Variants in PPP4C observed in about 807,000 individuals in gnomAD.
PPP4C encodes serine/threonine-protein phosphatase 4 catalytic subunit.
Under a neutral mutation model 40.5 loss-of-function variants are expected in PPP4C, and 10 were observed. That is an observed-to-expected ratio of 0.25 (90% CI 0.15 to 0.42). The LOEUF is 0.42. PPP4C is among the 10% of genes least tolerant of loss of function. PPP4C has a pLI of 1.00. For missense variants in PPP4C, 191 were observed against 416.4 expected (o/e 0.46, Z 4.71); for synonymous variants, 187 against 163.6 (o/e 1.14, Z -1.09).
intron 7 of PPP4C, 117 bp from the exon 8 acceptor site, chr16:30,084,549 G>A: frequency 1.1e-6 from 1 of 897,932 alleles, no homozygotes; most frequent in South Asian, 1.5e-5. Context: ...CCATGCTCTG[G>A]TCCCACGGGC....
intron 2 of PPP4C, among the ~76,000 whole-genome samples, chr16:30,079,210 C>T (rs1248416497): frequency 2.1e-5 from 3 of 145,288 alleles, no homozygotes; most frequent in African/African-American, 7.7e-5. Flanking sequence ...TTTTTTGAGA[C>T]AGAGTTTTGC....
chr16:30,084,580 G>A (rs2072582304), intron 7 of PPP4C, 86 bp from the exon 8 acceptor site: 7 of 1,293,868 alleles, frequency 5.4e-6, no homozygotes, highest in East Asian at 2.3e-5. Context: ...CTTGGGGAGG[G>A]GCCAGGCTGC....
chr16:30,083,776 CAGA>C lies in PPP4C; in HGVS notation c.602_604del (p.Glu201del). ...ATGTGTGACCTCCTCTGGTCTGACC[CAGA>C]AGGTGAGGGCATGTGGGCAGGGGCA... On this transcript the variant is annotated inframe_deletion and splice_region_variant, in exon 7 of 9. Coordinates refer to ENST00000279387, the MANE Select transcript of PPP4C (RefSeq NM_002720.3). This position sits in a 1 kb window ranked among gnomAD's most constrained non-coding sequence, Gnocchi z 6.3. The C allele has an allele frequency of 6.2e-7, 1 of 1,614,040 alleles. No homozygotes were observed. The highest frequency in any genetic ancestry group is 8.5e-7 in the Non-Finnish European group (1 of 1,180,016).
chr16:30,080,302 G>A (rs898118059), intron 2 of PPP4C, among the ~76,000 whole-genome samples: 2 of 137,758 alleles, frequency 1.5e-5, no homozygotes, highest in South Asian at 2.3e-4. Flanking sequence ...CAAAGATGGC[G>A]CCACTGCACT....
rs1174332358 is a variant in PPP4C, at chr16:30,083,750, C to T, written c.573C>T (p.Pro191=). ...AGCAAGAGGTGCCTCATGATGGGCCCATGTGTGACCTCCTCTGGTCTGACC... is the reference window on the plus strand; with the variant it reads ...AGCAAGAGGTGCCTCATGATGGGCCTATGTGTGACCTCCTCTGGTCTGACC... ...DRKQEVPHDG[P]MCDLLWSDPE... is the part of the protein sequence containing the mutation. Residue 191 remains proline (P), a synonymous_variant, in exon 7 of 9, where the codon CCC becomes CCT. Transcript: ENST00000279387. This position sits in a 1 kb window ranked among gnomAD's most constrained non-coding sequence, Gnocchi z 6.3. 6.2e-6 allele frequency: 10 copies of T among 1,614,168 alleles called. No homozygotes were observed. The highest frequency in any genetic ancestry group is 8.5e-6 in the Non-Finnish European group (10 of 1,180,024).
Position 30,076,342 on chromosome 16 carries a change from G to A in PPP4C, c.-36G>A, listed in dbSNP as rs760554029. ...GACCCCTGTGCGGTGCGGAGGGGGC[G>A]GCGGCCCCGACTCTGACCCGCGCCG... On this transcript the variant is annotated 5_prime_UTR_variant, in exon 2 of 9. Transcript: ENST00000279387. 3 of 1,601,566 alleles carry A rather than the reference G, an allele frequency of 1.9e-6. No homozygotes were observed. The highest frequency in any genetic ancestry group is 1.7e-5 in the Admixed American group (1 of 59,544).
rs938077927 is a variant in PPP4C at position 30,085,150 on chromosome 16, G to T, written c.*88G>T. On this transcript the variant is annotated 3_prime_UTR_variant, in exon 9 of 9. Coordinates refer to ENST00000279387, the MANE Select transcript of PPP4C (RefSeq NM_002720.3). Reference sequence around the variant, plus strand: ...TTCCTCAGACGGAGGCTGGGCGTGGGGGGGGCTGTCCTGGCTCTGCTGTCC... The same window carrying T: ...TTCCTCAGACGGAGGCTGGGCGTGGTGGGGGCTGTCCTGGCTCTGCTGTCC... 2 of 1,514,032 alleles carry T rather than the reference G, an allele frequency of 1.3e-6. No homozygotes were observed. The highest frequency in any genetic ancestry group is 9.0e-7 in the Non-Finnish European group (1 of 1,109,678). 93.8% of individuals were successfully genotyped at this position (1,514,032 alleles called of 1,614,324 possible).
chr16:30,078,619 C>G (rs551869640), intron 2 of PPP4C, among the ~76,000 whole-genome samples: 1 of 152,310 alleles, frequency 6.6e-6, no homozygotes, highest in East Asian at 1.9e-4. Context: ...CTGGTGGTGT[C>G]AAGAGCACCA....
At chr16:30,084,492 A>T (rs1284643687) in intron 7 of PPP4C, among the ~76,000 whole-genome samples, 174 bp from the exon 8 acceptor site, 1 of 152,186 alleles carries the variant, frequency 6.6e-6, no homozygotes, top group Middle Eastern at 3.2e-3. Context: ...ATCTGCCCCT[A>T]CATTTGCTGT....
In PPP4C at chr16:30,083,810, G is replaced by T. The variant is rs932673814; in HGVS notation, c.604+29G>T. ...AGGGCATGTGGGCAGGGGCAGGCAG[G>T]GACAGCCAGGAGGGGTTGGGAAAGA... is the stretch of plus-strand genomic sequence containing the variant. On this transcript the variant is annotated intron_variant, in intron 7 of 8. Coordinates refer to ENST00000279387, the MANE Select transcript of PPP4C (RefSeq NM_002720.3). This position sits in a 1 kb window ranked among gnomAD's most constrained non-coding sequence, Gnocchi z 6.3. 4.3e-6 allele frequency: 7 copies of T among 1,611,684 alleles called. No individual in the cohort carries two copies. The African/African-American group carries it at 9.3e-5, about 22-fold the overall frequency.
At position 30,082,628 on chromosome 16, in the gene PPP4C, G is replaced by A. The variant is rs912475959; in HGVS notation, c.201+94G>A. On this transcript the variant is annotated intron_variant, in intron 4 of 8. Coordinates refer to ENST00000279387, the MANE Select transcript of PPP4C (RefSeq NM_002720.3). ...GGAGCCTTAATTTGGGGCGTGGAGT[G>A]GGGGCAAGGGGCCCCAAGTTAGATG... The A allele has an allele frequency of 3.9e-6, 6 of 1,541,250 alleles. No homozygotes were observed. In the African/African-American group the frequency reaches 5.5e-5, roughly 14 times the overall value.
chr16:30,081,277 G>A lies in PPP4C; in HGVS notation c.117G>A (p.Glu39=), dbSNP rs776819959. 9 of 1,613,670 alleles carry A rather than the reference G, an allele frequency of 5.6e-6. No homozygotes were observed. The East Asian group carries it at 1.6e-4, about 28-fold the overall frequency. ...TCTCCAGAGAGATCTTGGTAGAGGA[G>A]AGCAACGTGCAGAGGGTGGACTCGC... ...CAKAREILVE[E]SNVQRVDSPV... The change falls in exon 3 of 9, where the codon GAG becomes GAA. Residue 39 remains glutamate, a synonymous_variant. Transcript: ENST00000279387.
At chr16:30,081,106 C>T (rs1407492308) in intron 2 of PPP4C, 153 bp from the exon 3 acceptor site, 10 of 1,000,360 alleles carry the variant, frequency 1.0e-5, no homozygotes, top group South Asian at 1.3e-5. Context: ...TGCTGAAGGG[C>T]CGTGGTCAGC....
intron 4 of PPP4C, 97 bp downstream of exon 4, chr16:30,082,631 G>A (rs2072532527): frequency 8.4e-6 from 13 of 1,550,824 alleles, no homozygotes; most frequent in East Asian, 2.3e-5. Flanking sequence ...GTGGAGTGGG[G>A]GCAAGGGGCC....
At chr16:30,076,920 AT>A (rs968667792) in intron 2 of PPP4C, among the ~76,000 whole-genome samples, 6 of 152,224 alleles carry the variant, frequency 3.9e-5, no homozygotes, top group African/African-American at 1.4e-4. Context: ...TATTGTACTC[AT>A]TTTACAGGTG....
chr16:30,076,252 C>A, intron 1 of PPP4C, 63 bp from the exon 2 acceptor site: 1 of 947,474 alleles, frequency 1.1e-6, no homozygotes, highest in Non-Finnish European at 1.6e-6. Flanking sequence ...GCTCTAGAAT[C>A]GAGTTGTCCG....
chr16:30,079,190 CTTTTTTT>C (rs60305885), intron 2 of PPP4C, among the ~76,000 whole-genome samples: 1 of 140,662 alleles, frequency 7.1e-6, no homozygotes, highest in African/African-American at 2.6e-5. Context: ...TTCTTTTTTT[CTTTTTTT>C]TTTTTTTTGA....
chr16:30,077,746 A>G (rs546208743), intron 2 of PPP4C, among the ~76,000 whole-genome samples: 123 of 152,316 alleles, frequency 8.1e-4, no homozygotes, highest in African/African-American at 2.9e-3. Flanking sequence ...CAGCAATCCT[A>G]TGAGGTTGGA....
rs913544318 is a variant in PPP4C, at chr16:30,083,145, C to T, written c.304-249C>T. 37 of 595,678 alleles carry T rather than the reference C, an allele frequency of 6.2e-5. 1 individual carries two copies. The highest frequency in any genetic ancestry group is 1.2e-4 in the Admixed American group (4 of 32,582). The allele number at this position is 595,678 out of a possible 1,614,324, so 36.9% of individuals were successfully genotyped here. A position where few individuals can be genotyped will look rare whatever the true frequency, so the allele number is the denominator to read the frequency against. ...GGGCCTGGGTGCCTTGCTAGGGACC[C>T]GGTCTGTGTCTGGTAGGTGAAAGAA... On this transcript the variant is annotated intron_variant, in intron 5 of 8. Transcript: ENST00000279387. This position sits in a 1 kb window ranked among gnomAD's most constrained non-coding sequence, Gnocchi z 6.3.
Sources: allele counts gnomAD v4.1 joint callset (sites outside exome capture counted in the v4.1 genomes callset), GRCh38; gene constraint gnomAD v4.1.1; non-coding constraint Gnocchi (gnomAD v3.1); transcripts MANE v1.5; gene names NCBI Gene and HGNC (gene_info 2026-07-23, HGNC 2026-07-21).